Variants in GMDS observed in about 807,000 individuals in gnomAD.
GMDS encodes GDP-mannose 4,6-dehydratase, also known as GDP-mannose 4,6 dehydratase.
GMDS carries 20 observed loss-of-function variants against 49.9 expected under a neutral mutation model. That is an observed-to-expected ratio of 0.40 (90% CI 0.28 to 0.58). The LOEUF is 0.58. GMDS is among the 20% of genes least tolerant of loss of function. The pLI is 0.42. For synonymous variants in GMDS, 177 were observed against 178.6 expected, an observed-to-expected ratio of 0.99 and a Z score of 0.07; for missense variants, 362 against 481.4, an observed-to-expected ratio of 0.75 and a Z score of 2.32.
intron 1 of GMDS, among the ~76,000 whole-genome samples, chr6:2,192,383 T>C (rs778432641): frequency 1.3e-5 from 2 of 152,216 alleles, no homozygotes; most frequent in Non-Finnish European, 2.9e-5. Flanking sequence ...TCAGTCTTCC[T>C]GGTCACAAGA....
chr6:1,846,571 C>T (rs999850618), intron 7 of GMDS, among the ~76,000 whole-genome samples: 7 of 152,098 alleles, frequency 4.6e-5, no homozygotes, highest in Non-Finnish European at 1.0e-4. Flanking sequence ...GACAGGGAAA[C>T]GATATGGAAG....
At chr6:1,894,134 T>C (rs562306937) in intron 7 of GMDS, among the ~76,000 whole-genome samples, 1 of 152,342 alleles carries the variant, frequency 6.6e-6, no homozygotes, top group East Asian at 1.9e-4. Flanking sequence ...CTATCACATT[T>C]TTCTTCAACA....
intron 7 of GMDS, among the ~76,000 whole-genome samples, chr6:1,813,223 T>TAAAAAA (rs56705761): frequency 2.3e-5 from 2 of 85,296 alleles, no homozygotes; most frequent in East Asian, 3.2e-4. Context: ...CTCTGTCTCT[T>TAAAAAA]AAAAAAAAAA....
At chr6:1,643,820 T>G (rs980677467) in intron 9 of GMDS, among the ~76,000 whole-genome samples, 1 of 152,058 alleles carries the variant, frequency 6.6e-6, no homozygotes, top group Non-Finnish European at 1.5e-5. Context: ...TCAATAAAAT[T>G]GTTTAAAAAT....
intron 4 of GMDS, among the ~76,000 whole-genome samples, chr6:2,101,219 T>C (rs960715366): frequency 6.6e-6 from 1 of 151,836 alleles, no homozygotes; most frequent in Non-Finnish European, 1.5e-5. Flanking sequence ...ATGTTTCTGT[T>C]GTAGTTAAAA....
chr6:1,720,503 T>C (rs1012665452), intron 9 of GMDS, among the ~76,000 whole-genome samples: 66 of 152,244 alleles, frequency 4.3e-4, no homozygotes, highest in African/African-American at 1.2e-4. Context: ...ATATAAACTA[T>C]TTATAAAATA....
chr6:1,651,930 G>T (rs11759954), intron 9 of GMDS, among the ~76,000 whole-genome samples: 2,291 of 139,450 alleles, frequency 0.016, 22 homozygotes, highest in Non-Finnish European at 0.023. Context: ...CACACACTCA[G>T]TCGGGTGTCT....
At chr6:1,828,390 T>G (rs576191363) in intron 7 of GMDS, among the ~76,000 whole-genome samples, 1 of 152,256 alleles carries the variant, frequency 6.6e-6, no homozygotes, top group Admixed American at 6.5e-5. Flanking sequence ...GAAGAAGTAA[T>G]GGTTGATAAC....
chr6:1,838,585 C>T (rs1007055522), intron 7 of GMDS, among the ~76,000 whole-genome samples: 2 of 152,194 alleles, frequency 1.3e-5, no homozygotes, highest in South Asian at 2.1e-4. Context: ...AATAAAATAT[C>T]GAAAATAGCT....
At chr6:1,682,912 A>C (rs1764833036) in intron 9 of GMDS, among the ~76,000 whole-genome samples, 1 of 152,136 alleles carries the variant, frequency 6.6e-6, no homozygotes, top group African/African-American at 2.4e-5. Flanking sequence ...GGTGAAATTT[A>C]CTGACATTTT....
intron 9 of GMDS, among the ~76,000 whole-genome samples, chr6:1,644,521 C>T (rs1009501186): frequency 6.6e-6 from 1 of 152,224 alleles, no homozygotes; most frequent in African/African-American, 2.4e-5. Context: ...TCCCAAGTTC[C>T]CCAGCTGAAA....
intron 4 of GMDS, among the ~76,000 whole-genome samples, chr6:1,978,687 G>A (rs1011471590): frequency 6.6e-5 from 10 of 152,158 alleles, no homozygotes; most frequent in African/African-American, 2.2e-4. Flanking sequence ...GGGCCATGGA[G>A]AGCCCAAACC....
intron 4 of GMDS, among the ~76,000 whole-genome samples, chr6:1,995,008 T>C (rs1417893690): frequency 6.6e-6 from 1 of 152,086 alleles, no homozygotes; most frequent in Non-Finnish European, 1.5e-5. Flanking sequence ...CACACAAAAA[T>C]AATCCATGCT....
At chr6:2,053,573 C>A (rs1196585865) in intron 4 of GMDS, among the ~76,000 whole-genome samples, 2 of 150,716 alleles carry the variant, frequency 1.3e-5, no homozygotes, top group Non-Finnish European at 1.5e-5. Context: ...CACTTATTAA[C>A]TTTTTATAGT....
At chr6:1,728,905 C>T (rs980790780) in intron 8 of GMDS, among the ~76,000 whole-genome samples, 2 of 150,976 alleles carry the variant, frequency 1.3e-5, no homozygotes, top group Admixed American at 1.3e-4. Context: ...TTTTAAACCA[C>T]GCTTTAAGAC....
chr6:1,737,592 TACAC>T (rs927576315), intron 8 of GMDS, among the ~76,000 whole-genome samples: 5 of 110,430 alleles, frequency 4.5e-5, no homozygotes, highest in South Asian at 3.0e-4. Flanking sequence ...TACACACACA[TACAC>T]ACACCACACA....
chr6:2,108,447 G>A (rs1774362214), intron 4 of GMDS, among the ~76,000 whole-genome samples: 1 of 151,986 alleles, frequency 6.6e-6, no homozygotes. Flanking sequence ...TTAGTACCGT[G>A]GATTTCTGTT....
chr6:1,858,803 G>A (rs1483575505), intron 7 of GMDS, among the ~76,000 whole-genome samples: 3 of 152,098 alleles, frequency 2.0e-5, no homozygotes, highest in Non-Finnish European at 2.9e-5. Context: ...TTATGAGAAC[G>A]TAATAAAAAC....
intron 9 of GMDS, among the ~76,000 whole-genome samples, chr6:1,715,694 G>A (rs925729611): frequency 1.3e-5 from 2 of 152,220 alleles, no homozygotes; most frequent in African/African-American, 4.8e-5. Context: ...GAGGTTAGGA[G>A]CTTCTAGAAG....
Sources: gnomAD v4.1 joint callset for allele counts (sites outside exome capture counted in the v4.1 genomes callset) on GRCh38, gnomAD v4.1.1 for gene constraint, MANE v1.5 for transcripts, NCBI Gene and HGNC (gene_info 2026-07-23, HGNC 2026-07-21) for gene names.